Variants in ERBB4 observed in about 807,000 individuals in gnomAD.
ERBB4 encodes the protein receptor tyrosine-protein kinase erbB-4.
A neutral mutation model predicts 158.0 loss-of-function variants in ERBB4; 42 were observed. The observed-to-expected ratio is 0.27, with a 90% CI of 0.21 to 0.34. The LOEUF (loss-of-function observed/expected upper bound fraction) is 0.34. Among genes scored for constraint, ERBB4 ranks in the 10% least tolerant of loss-of-function variants. The pLI is 1.00. For synonymous variants in ERBB4, 583 were observed against 558.7 expected, an observed-to-expected ratio of 1.04 and a Z score of -0.61; for missense variants, 1,333 against 1,624.1, an observed-to-expected ratio of 0.82 and a Z score of 3.08.
chr2:211,416,324 A>G (rs2063390185), intron 25 of ERBB4, among the ~76,000 whole-genome samples: 1 of 152,168 alleles, frequency 6.6e-6, no homozygotes, highest in Admixed American at 6.5e-5. Context: ...CATTGTAACA[A>G]AAAAGAAAGA....
In ERBB4 at chr2:212,009,115, A is replaced by ATTTT. The variant is rs142753539; in HGVS notation, c.235-61500_235-61499insAAAA. The stretch of plus-strand genomic sequence containing the variant: ...GTTTATCAAAATAAAAATCATTAAA[A>ATTTT]CTTATTATAACTTCTGTAGTATGTT... On this transcript the variant is annotated intron_variant, in intron 2 of 27. Transcript: ENST00000342788. Among the ~76,000 whole-genome samples the ATTTT allele has an allele frequency of 4.6e-5, 7 of 151,628 alleles. No homozygotes were observed. In the South Asian group the frequency reaches 1.5e-3, roughly 32 times the overall value.
chr2:211,630,703 T>C, intron 16 of ERBB4, 109 bp from the exon 17 acceptor site: 1 of 1,000,836 alleles, frequency 1.0e-6, no homozygotes, highest in East Asian at 2.5e-5. Flanking sequence ...ACAAATCTAG[T>C]CATTTAGATG....
rs367975082 is a variant in ERBB4, at chr2:211,704,139, A to T, written c.1254T>A (p.Ser418=). 1 of 1,612,520 alleles carries T rather than the reference A, an allele frequency of 6.2e-7. No individual in the cohort carries two copies. Among genetic ancestry groups the T allele is most frequent in the African/African-American group, 1.3e-5 (1 of 75,030 alleles). The part of the protein sequence containing the change: ...PPNMTDFSVF[S]NLVTIGGRVL... ...CTCTTCCACCAATGGTCACCAGGTT[A>T]GAAAAAACACTGAAGTCAGTCATGT... Residue 418 remains serine, a synonymous_variant, in exon 11 of 28, where the codon TCT becomes TCA. Coordinates refer to ENST00000342788, the MANE Select transcript of ERBB4 (RefSeq NM_005235.3).
rs540527515 is a variant in ERBB4 at position 212,191,823 on chromosome 2, G to A, written c.83-66920C>T. ...GTTATATATAATACATGTTATATAT[G>A]TTCTATGTTATATATAATACATGTT... is the stretch of plus-strand genomic sequence containing the variant. On this transcript the variant is annotated intron_variant, in intron 1 of 27. Coordinates refer to ENST00000342788, the MANE Select transcript of ERBB4 (RefSeq NM_005235.3). 5.3e-4 allele frequency among the ~76,000 whole-genome samples: 70 copies of A among 131,086 alleles called. 1 individual carries two copies. Among genetic ancestry groups the A allele is most frequent in the African/African-American group, 1.8e-3 (66 of 36,032 alleles). 86.0% of individuals were successfully genotyped at this position (131,086 alleles called of 152,430 possible).
chr2:211,456,573 A>C (rs2064386181), intron 20 of ERBB4, among the ~76,000 whole-genome samples: 1 of 152,146 alleles, frequency 6.6e-6, no homozygotes, highest in South Asian at 2.1e-4. Context: ...ATATATATAC[A>C]TATATACGTA....
rs111299136 is a variant in ERBB4, at chr2:212,411,970, A to C, written c.82+126479T>G. ...ATGGGAAAGACTTCTTCTTCTTCTT[A>C]GATCAACTCTGGGAGTTCAACACAG... On this transcript the variant is annotated intron_variant, in intron 1 of 27. Transcript: ENST00000342788. Among the ~76,000 whole-genome samples the C allele has an allele frequency of 2.0e-3, 300 of 152,196 alleles. 1 individual carries two copies. The highest frequency in any genetic ancestry group is 6.8e-3 in the Middle Eastern group (2 of 294).
intron 1 of ERBB4, among the ~76,000 whole-genome samples, chr2:212,149,364 T>C (rs1012985172): frequency 1.3e-5 from 2 of 152,122 alleles, no homozygotes; most frequent in African/African-American, 4.8e-5. Context: ...GTACTCTTTT[T>C]TAAAAAATGT....
intron 20 of ERBB4, among the ~76,000 whole-genome samples, chr2:211,510,821 C>T (rs2125612996): frequency 6.6e-6 from 1 of 152,074 alleles, no homozygotes; most frequent in East Asian, 1.9e-4. Flanking sequence ...GCAATCTCTT[C>T]TCTTTGAAAG....
intron 1 of ERBB4, among the ~76,000 whole-genome samples, chr2:212,457,970 AT>A (rs1279001602): frequency 6.6e-6 from 1 of 152,020 alleles, no homozygotes; most frequent in East Asian, 1.9e-4. Flanking sequence ...CAGATTTAAT[AT>A]TATTTATGAT....
intron 3 of ERBB4, among the ~76,000 whole-genome samples, chr2:211,838,713 T>C (rs1176791640): frequency 6.6e-6 from 1 of 152,098 alleles, no homozygotes; most frequent in African/African-American, 2.4e-5. Flanking sequence ...ATGATAAACA[T>C]TTTATAGTTT....
intron 1 of ERBB4, among the ~76,000 whole-genome samples, chr2:212,371,782 T>C (rs62184092): frequency 2.0e-5 from 3 of 151,970 alleles, no homozygotes; most frequent in African/African-American, 7.2e-5. Flanking sequence ...CTCCAAACCA[T>C]GAAAAGTCTT....
intron 1 of ERBB4, among the ~76,000 whole-genome samples, chr2:212,475,315 T>C (rs1443001137): frequency 6.6e-6 from 1 of 152,162 alleles, no homozygotes; most frequent in Non-Finnish European, 1.5e-5. Context: ...AAGCTCTGCA[T>C]TTTCTTGCAC....
intron 20 of ERBB4, among the ~76,000 whole-genome samples, chr2:211,468,211 T>C (rs2064743411): frequency 6.6e-6 from 1 of 152,134 alleles, no homozygotes; most frequent in Admixed American, 6.6e-5. Context: ...GGTCTAGTAA[T>C]GAACAACTAC....
At chr2:212,110,019 T>C (rs1329864011) in intron 2 of ERBB4, among the ~76,000 whole-genome samples, 1 of 152,198 alleles carries the variant, frequency 6.6e-6, no homozygotes, top group African/African-American at 2.4e-5. Context: ...AGGTAACCTT[T>C]CTGTGCCTCG....
Position 211,382,814 on chromosome 2 carries a change from G to C in ERBB4, c.*801C>G. The C allele has an allele frequency of 4.3e-6, 1 of 232,550 alleles. No individual in the cohort carries two copies. Among genetic ancestry groups the C allele is most frequent in the Non-Finnish European group, 8.5e-6 (1 of 117,676 alleles). 14.4% of individuals were successfully genotyped at this position (232,550 alleles called of 1,614,324 possible). A position where few individuals can be genotyped will look rare whatever the true frequency, so the allele number is the denominator to read the frequency against. ...GCCTCCCTTTCTTATTTTAAAGATT[G>C]TATACTTAAAGTAGTGGCCATTTCA... On this transcript the variant is annotated 3_prime_UTR_variant, in exon 28 of 28. Coordinates refer to ENST00000342788, the MANE Select transcript of ERBB4 (RefSeq NM_005235.3).
chr2:211,673,278 T>C (rs1459085049), intron 13 of ERBB4, 21 bp from the exon 14 acceptor site: 3 of 1,562,994 alleles, frequency 1.9e-6, no homozygotes, highest in South Asian at 2.2e-5. Flanking sequence ...ATCAGCCACA[T>C]GAGGAGGTGT....
At chr2:212,325,570 T>C (rs997148545) in intron 1 of ERBB4, among the ~76,000 whole-genome samples, 1 of 150,854 alleles carries the variant, frequency 6.6e-6, no homozygotes, top group African/African-American at 2.4e-5. Flanking sequence ...AAATAAAACA[T>C]AAATGCATTC....
At chr2:212,372,136 TC>T (rs1282976558) in intron 1 of ERBB4, among the ~76,000 whole-genome samples, 1 of 152,152 alleles carries the variant, frequency 6.6e-6, no homozygotes, top group Admixed American at 6.6e-5. Flanking sequence ...GTCCTGAATC[TC>T]GTAGCCCCCT....
At chr2:211,803,550 A>G (rs1461753962) in intron 3 of ERBB4, among the ~76,000 whole-genome samples, 2 of 152,194 alleles carry the variant, frequency 1.3e-5, no homozygotes, top group African/African-American at 4.8e-5. Context: ...CTAAAAGAGC[A>G]CTGACTGCTC....
Sources: allele counts gnomAD v4.1 joint callset (sites outside exome capture counted in the v4.1 genomes callset), GRCh38; gene constraint gnomAD v4.1.1; transcripts MANE v1.5; gene names NCBI Gene and HGNC (gene_info 2026-07-23, HGNC 2026-07-21).